Variants in SLC26A5 observed in about 807,000 individuals in gnomAD.
SLC26A5 encodes prestin.
In SLC26A5, 51 loss-of-function variants were observed where a neutral mutation model predicts 81.0. The observed-to-expected ratio is 0.63, with a 90% CI of 0.50 to 0.80. SLC26A5 has a LOEUF of 0.80. Ranked by LOEUF, SLC26A5 falls within the 30% of genes least tolerant of loss-of-function variation. The pLI, the probability that SLC26A5 is intolerant of heterozygous loss-of-function variation, is 0.00. For synonymous variants in SLC26A5, 325 were observed against 332.8 expected (o/e 0.98, Z 0.25); for missense variants, 771 against 905.8 (o/e 0.85, Z 1.91).
chr7:103,398,405 T>A (rs1305147463), intron 8 of SLC26A5, among the ~76,000 whole-genome samples: 1 of 152,186 alleles, frequency 6.6e-6, no homozygotes, highest in East Asian at 1.9e-4. Context: ...GGTGGTACAA[T>A]GACACTGTAT....
At position 103,407,844 on chromosome 7, in the gene SLC26A5, G is replaced by T; in HGVS notation, c.888+7C>A. The T allele has an allele frequency of 6.2e-7, 1 of 1,613,944 alleles. No individual in the cohort carries two copies. The highest frequency in any genetic ancestry group is 1.1e-5 in the South Asian group (1 of 91,048). On this transcript the variant is annotated splice_region_variant and intron_variant, in intron 8 of 19. Transcript: ENST00000306312. ...GCCGAGTAGGTCACTGACCGAAGGTGACTTACCGCAAAGAACTCTAAAGGA... is the reference window on the plus strand; with the variant it reads ...GCCGAGTAGGTCACTGACCGAAGGTTACTTACCGCAAAGAACTCTAAAGGA...
At position 103,355,586 on chromosome 7, in the gene SLC26A5, T is replaced by G. The variant is rs1819987781; in HGVS notation, c.2042-2660A>C. Reference sequence around the variant, plus strand: ...CAGTCTATAATGCACATGATAGTCCTCACAATGAATGATTCAGTGCAAAAT... The same window carrying G: ...CAGTCTATAATGCACATGATAGTCCGCACAATGAATGATTCAGTGCAAAAT... On this transcript the variant is annotated intron_variant, in intron 19 of 19. Transcript: ENST00000339444. 4.9e-6 allele frequency: 4 copies of G among 811,778 alleles called. No homozygotes were observed. The Admixed American group carries it at 6.3e-5, about 13-fold the overall frequency. The allele number at this position is 811,778 out of a possible 1,614,324, so 50.3% of individuals were successfully genotyped here. A position where few individuals can be genotyped will look rare whatever the true frequency, so the allele number is the denominator to read the frequency against.
chr7:103,415,950 GTTC>G (rs1234002885), intron 4 of SLC26A5, among the ~76,000 whole-genome samples: 2 of 152,162 alleles, frequency 1.3e-5, no homozygotes. Context: ...ATCCTCTGGT[GTTC>G]TTATGTTTTC....
At chr7:103,386,754 T>G (rs959496785) in intron 14 of SLC26A5, among the ~76,000 whole-genome samples, 1 of 152,054 alleles carries the variant, frequency 6.6e-6, no homozygotes, top group East Asian at 1.9e-4. Context: ...TTAAAAGTTA[T>G]AGATTTTTTT....
intron 19 of SLC26A5, chr7:103,362,546 CT>C (rs1820470822): frequency 1.4e-6 from 2 of 1,400,622 alleles, no homozygotes; most frequent in Non-Finnish European, 1.9e-6. Flanking sequence ...TTCATGCTCT[CT>C]TTATTTCTCT....
In SLC26A5 at chr7:103,374,369, T is replaced by G. The variant is rs1821187649; in HGVS notation, c.*30A>C. 1 of 1,611,600 alleles carries G rather than the reference T, an allele frequency of 6.2e-7. No individual in the cohort carries two copies. ...TAAATTATGAACTTCATGAGAGGCTTATAACCCCATCCTAGGGTGAGGTCC... is the reference window on the plus strand; with the variant it reads ...TAAATTATGAACTTCATGAGAGGCTGATAACCCCATCCTAGGGTGAGGTCC... On this transcript the variant is annotated 3_prime_UTR_variant, in exon 20 of 20. Transcript: ENST00000306312.
At chr7:103,417,318 C>T (rs1824988944) in intron 4 of SLC26A5, among the ~76,000 whole-genome samples, 1 of 146,774 alleles carries the variant, frequency 6.8e-6, no homozygotes, top group East Asian at 2.0e-4. Flanking sequence ...TGCAGTGAGC[C>T]GAGATCACGC....
chr7:103,442,135 A>G (rs1826923497), intron 2 of SLC26A5, among the ~76,000 whole-genome samples: 1 of 127,166 alleles, frequency 7.9e-6, no homozygotes, highest in South Asian at 2.5e-4. Context: ...CACCTTCATC[A>G]CTCTTTTTTT....
Position 103,374,469 on chromosome 7 carries a change from T to C in SLC26A5, c.2165A>G (p.Gln722Arg), listed in dbSNP as rs1821199611. 8 of 1,613,626 alleles carry C rather than the reference T, an allele frequency of 5.0e-6. No homozygotes were observed. The highest frequency in any genetic ancestry group is 5.9e-6 in the Non-Finnish European group (7 of 1,180,028). ...GSQLREALAEQEASAPPSQED... is the reference protein window; with the variant it reads ...GSQLREALAEREASAPPSQED... Reference sequence around the variant, plus strand: ...CTGGGAAGGGGGAGCCGAGGCTTCCTGTTCAGCAAGTGCCTCTCTAAGTTG... The same window carrying C: ...CTGGGAAGGGGGAGCCGAGGCTTCCCGTTCAGCAAGTGCCTCTCTAAGTTG... Residue 722 changes from glutamine (Q) to arginine (R), a missense_variant, in exon 20 of 20, where the codon CAG (glutamine) becomes CGG (arginine). Gln to Arg is a conservative substitution (Grantham distance 43). Transcript: ENST00000306312.
chr7:103,424,771 G>T (rs967374996), intron 2 of SLC26A5, among the ~76,000 whole-genome samples: 1 of 152,132 alleles, frequency 6.6e-6, no homozygotes, highest in Non-Finnish European at 1.5e-5. Flanking sequence ...CAAGTCTAGG[G>T]ATGTTTTATC....
At chr7:103,444,919 C>A (rs1292807933) in intron 1 of SLC26A5, among the ~76,000 whole-genome samples, 1 of 152,170 alleles carries the variant, frequency 6.6e-6, no homozygotes, top group Non-Finnish European at 1.5e-5. Context: ...GAATGCCTGA[C>A]AAAAATACAT....
At position 103,410,502 on chromosome 7, in the gene SLC26A5, T is replaced by C; in HGVS notation, c.618A>G (p.Thr206=). The change falls in exon 7 of 20, where the codon ACA becomes ACG. Residue 206 remains threonine, a synonymous_variant. Transcript: ENST00000306312. ...TGGTAAACCCACGGACCAGAGGCTC[T>C]GTGAGATATATGGCCACAAATCCAA... ...CRFGFVAIYL[T]EPLVRGFTTA... 6.2e-7 allele frequency: 1 copy of C among 1,614,126 alleles called. No homozygotes were observed. The highest frequency in any genetic ancestry group is 8.5e-7 in the Non-Finnish European group (1 of 1,179,996).
intron 8 of SLC26A5, among the ~76,000 whole-genome samples, chr7:103,406,315 C>T (rs111803573): frequency 0.025 from 3,786 of 152,256 alleles, 148 homozygotes; most frequent in African/African-American, 0.087. Flanking sequence ...GTGGTGTAGG[C>T]ACCCAGGGGA....
chr7:103,439,729 T>G (rs1230308793), intron 2 of SLC26A5, among the ~76,000 whole-genome samples: 2 of 152,166 alleles, frequency 1.3e-5, no homozygotes. Context: ...AAATGGGATT[T>G]CACCATGTTG....
chr7:103,440,276 T>C (rs965202207), intron 2 of SLC26A5, among the ~76,000 whole-genome samples: 4 of 152,212 alleles, frequency 2.6e-5, no homozygotes, highest in Non-Finnish European at 4.4e-5. Flanking sequence ...TTGTTAAAAG[T>C]GTTCAATAAA....
At chr7:103,405,439 C>G (rs1823966062) in intron 8 of SLC26A5, among the ~76,000 whole-genome samples, 1 of 152,182 alleles carries the variant, frequency 6.6e-6, no homozygotes, top group African/African-American at 2.4e-5. Context: ...AACAGTCAGG[C>G]CCCTCTGCTA....
chr7:103,439,659 G>A (rs1826723166), intron 2 of SLC26A5, among the ~76,000 whole-genome samples: 1 of 152,066 alleles, frequency 6.6e-6, no homozygotes, highest in Non-Finnish European at 1.5e-5. Flanking sequence ...TCAGCCTACC[G>A]AGCAGCTGGG....
At chr7:103,382,094 G>C (rs950498587) in intron 14 of SLC26A5, among the ~76,000 whole-genome samples, 1 of 152,116 alleles carries the variant, frequency 6.6e-6, no homozygotes, top group African/African-American at 2.4e-5. Flanking sequence ...ATTTCGCAGA[G>C]TTCAAGTTAT....
At chr7:103,366,132 T>C in intron 19 of SLC26A5, 5 of 1,614,020 alleles carry the variant, frequency 3.1e-6, no homozygotes, top group Non-Finnish European at 4.2e-6. Context: ...AAGCCTGCCT[T>C]ATCTTCTTTG....
Sources: allele counts gnomAD v4.1 joint callset (sites outside exome capture counted in the v4.1 genomes callset), GRCh38; gene constraint gnomAD v4.1.1; transcripts MANE v1.5; gene names NCBI Gene and HGNC (gene_info 2026-07-23, HGNC 2026-07-21).